The following KAT6B variants were observed in gnomAD, a reference collection of about 807,000 sequenced individuals.
KAT6B encodes histone acetyltransferase KAT6B.
In KAT6B, 10 loss-of-function variants were observed where a neutral mutation model predicts 187.5. That is an observed-to-expected ratio of 0.05 (90% confidence interval 0.03 to 0.09). KAT6B has a LOEUF of 0.09. KAT6B is among the 10% of genes least tolerant of loss of function. The probability of loss-of-function intolerance (pLI) is 1.00; values close to 1 mark genes in which losing one functional copy is unlikely to be tolerated. For missense variants in KAT6B, 1,952 were observed against 2,558.9 expected (o/e 0.76, Z 5.12); for synonymous variants, 861 against 926.8 (o/e 0.93, Z 1.29).
chr10:75,025,868 T>A (rs1027501962), intron 17 of KAT6B: 5 of 153,882 alleles, frequency 3.2e-5, no homozygotes, highest in African/African-American at 9.7e-5. Flanking sequence ...CTAAAAAAAA[T>A]ACAAAAATTA....
chr10:75,031,571 CTTAAG>C lies in KAT6B; in HGVS notation c.*528_*532del, dbSNP rs1846319797. On this transcript the variant is annotated 3_prime_UTR_variant, in exon 18 of 18. Transcript: ENST00000287239. ...GTGTTGTGCTAACAGTAAGCCATTTCTTAAGTTTTTTGCCTTGATTAGGGTGCCCT... is the reference window on the plus strand; with the variant it reads ...GTGTTGTGCTAACAGTAAGCCATTTCTTTTTTGCCTTGATTAGGGTGCCCT... The C allele has an allele frequency of 4.5e-6, 1 of 222,140 alleles. No homozygotes were observed. 13.8% of individuals were successfully genotyped at this position (222,140 alleles called of 1,614,324 possible).
At chr10:74,866,104 C>A (rs1412354147) in intron 3 of KAT6B, among the ~76,000 whole-genome samples, 2 of 151,852 alleles carry the variant, frequency 1.3e-5, no homozygotes, top group Admixed American at 1.3e-4. Flanking sequence ...TGGAACTGAT[C>A]CCTCATGTAT....
intron 3 of KAT6B, among the ~76,000 whole-genome samples, chr10:74,856,108 T>C (rs984480854): frequency 2.6e-5 from 4 of 152,164 alleles, no homozygotes; most frequent in Non-Finnish European, 5.9e-5. Context: ...TTTTTTGAGA[T>C]GGAGTCTCGC....
chr10:74,974,040 A>G (rs1266208931), intron 7 of KAT6B, among the ~76,000 whole-genome samples: 3 of 152,220 alleles, frequency 2.0e-5, no homozygotes, highest in African/African-American at 7.2e-5. Flanking sequence ...CTTTATAAGC[A>G]TATTATCCTT....
chr10:75,025,103 A>T lies in KAT6B; in HGVS notation c.3518A>T (p.Glu1173Val), dbSNP rs761285524. ...SDEERPMPQL[E>V]PTCEIEVEED... ...GAAGAGAGGCCAATGCCACAGCTGG[A>T]GCCTACCTGTGAGATTGAAGTGGAG... Residue 1173 changes from glutamate (E) to valine (V), a missense_variant, in exon 17 of 18, where the codon GAG becomes GTG. Glu to Val is a moderately radical substitution (Grantham distance 121). Coordinates refer to ENST00000287239, the MANE Select transcript of KAT6B (RefSeq NM_012330.4). 6.2e-7 allele frequency: 1 copy of T among 1,614,096 alleles called. No individual in the cohort carries two copies. Among genetic ancestry groups the T allele is most frequent in the Non-Finnish European group, 8.5e-7 (1 of 1,180,030 alleles).
Position 74,870,483 on chromosome 10 carries a change from A to G in KAT6B, c.621+27005A>G, listed in dbSNP as rs139307049. ...GGATGTCTTTATTTAATAATGACCA[A>G]CAAGTCTCCCAGTCACATACTGACT... is the stretch of plus-strand genomic sequence containing the variant. On this transcript the variant is annotated intron_variant, in intron 3 of 17. Coordinates refer to ENST00000287239, the MANE Select transcript of KAT6B (RefSeq NM_012330.4). Among the ~76,000 whole-genome samples, 6 of 152,364 alleles carry G rather than the reference A, an allele frequency of 3.9e-5. No homozygotes were observed. In the East Asian group the frequency reaches 9.6e-4, roughly 24 times the overall value.
intron 13 of KAT6B, among the ~76,000 whole-genome samples, chr10:75,008,099 G>A (rs545418272): frequency 1.3e-5 from 2 of 152,148 alleles, no homozygotes; most frequent in Non-Finnish European, 2.9e-5. Flanking sequence ...ATAATTGAAG[G>A]GTTGTGCGTT....
chr10:74,886,496 T>C (rs879380012), intron 3 of KAT6B, among the ~76,000 whole-genome samples: 2 of 152,124 alleles, frequency 1.3e-5, no homozygotes, highest in Admixed American at 6.5e-5. Flanking sequence ...GTAAGTATAG[T>C]GATGAGTAGA....
At chr10:74,828,562 CTTTTTTTTTTTTT>C (rs1160950109) in intron 1 of KAT6B, among the ~76,000 whole-genome samples, 2 of 94,820 alleles carry the variant, frequency 2.1e-5, no homozygotes, top group South Asian at 3.6e-4. Context: ...CTCATAAGTT[CTTTTTTTTTTTTT>C]TTTTTTTTTT....
At chr10:74,843,831 C>T (rs1841919543) in intron 3 of KAT6B, among the ~76,000 whole-genome samples, 2 of 152,096 alleles carry the variant, frequency 1.3e-5, no homozygotes, top group African/African-American at 2.4e-5. Context: ...ATATTTTTCT[C>T]TTTATTACTA....
At chr10:74,885,887 A>G (rs1430320626) in intron 3 of KAT6B, among the ~76,000 whole-genome samples, 1 of 152,120 alleles carries the variant, frequency 6.6e-6, no homozygotes, top group Non-Finnish European at 1.5e-5. Flanking sequence ...GCACGCCACC[A>G]CATCCAGCTA....
intron 4 of KAT6B, among the ~76,000 whole-genome samples, chr10:74,962,335 A>G (rs991558850): frequency 1.3e-5 from 2 of 152,212 alleles, no homozygotes; most frequent in African/African-American, 4.8e-5. Flanking sequence ...TAAGGAAAAA[A>G]GAAAACAATA....
At chr10:74,878,759 A>C (rs576006216) in intron 3 of KAT6B, among the ~76,000 whole-genome samples, 3 of 152,310 alleles carry the variant, frequency 2.0e-5, no homozygotes, top group South Asian at 4.1e-4. Context: ...AACAAGCTAC[A>C]GGGATCAGAG....
intron 3 of KAT6B, among the ~76,000 whole-genome samples, chr10:74,957,671 C>T (rs993346541): frequency 6.6e-6 from 1 of 152,204 alleles, no homozygotes; most frequent in African/African-American, 2.4e-5. Flanking sequence ...GTAGCTTGAA[C>T]ATTGTTATAT....
chr10:74,952,846 A>AT lies in KAT6B; in HGVS notation c.622-7099dup, dbSNP rs34687036. 3.4e-3 allele frequency among the ~76,000 whole-genome samples: 309 copies of AT among 90,532 alleles called. 3 individuals carry two copies. The highest frequency in any genetic ancestry group is 8.5e-3 in the South Asian group (21 of 2,466). 59.4% of individuals were successfully genotyped at this position (90,532 alleles called of 152,430 possible). ...GGATTACAGGCACCATGCCTGGCTA[A>AT]TTTTTTTTTTTTTTTTTTTTTTTTT... On this transcript the variant is annotated intron_variant, in intron 3 of 17. Coordinates refer to ENST00000287239, the MANE Select transcript of KAT6B (RefSeq NM_012330.4).
chr10:74,966,905 CT>C (rs1398560996), intron 4 of KAT6B, among the ~76,000 whole-genome samples: 2 of 152,186 alleles, frequency 1.3e-5, no homozygotes, highest in Non-Finnish European at 1.5e-5. Flanking sequence ...TGATGCGTGC[CT>C]GTAGTCCCAG....
chr10:74,918,602 G>T (rs1205392092), intron 3 of KAT6B, among the ~76,000 whole-genome samples: 1 of 152,098 alleles, frequency 6.6e-6, no homozygotes, highest in Non-Finnish European at 1.5e-5. Context: ...AATTAGCCAG[G>T]TGTGGTGGTG....
At chr10:74,944,611 C>A (rs1849965693) in intron 3 of KAT6B, among the ~76,000 whole-genome samples, 1 of 151,878 alleles carries the variant, frequency 6.6e-6, no homozygotes, top group African/African-American at 2.4e-5. Flanking sequence ...AGATCGAGAC[C>A]ATCCTGGCTA....
At chr10:74,905,033 T>C (rs1231528663) in intron 3 of KAT6B, among the ~76,000 whole-genome samples, 1 of 152,214 alleles carries the variant, frequency 6.6e-6, no homozygotes, top group Non-Finnish European at 1.5e-5. Context: ...GTTAAATTAT[T>C]AGCTAGTGAA....
Sources: gnomAD v4.1 joint callset for allele counts (sites outside exome capture counted in the v4.1 genomes callset) on GRCh38, gnomAD v4.1.1 for gene constraint, MANE v1.5 for transcripts, NCBI Gene and HGNC (gene_info 2026-07-23, HGNC 2026-07-21) for gene names.